Variants in LRP1B observed in about 807,000 individuals in gnomAD.
LRP1B encodes LDL receptor related protein 1B, also known as low-density lipoprotein receptor-related protein 1B.
LRP1B carries 217 observed loss-of-function variants against 556.6 expected under a neutral mutation model. The ratio of observed to expected loss-of-function variants is 0.39; its 90% CI spans 0.35 to 0.44. The LOEUF (loss-of-function observed/expected upper bound fraction) is 0.44. Ranked by LOEUF, LRP1B falls within the 20% of genes least tolerant of loss-of-function variation. LRP1B has a pLI of 1.00. For missense variants in LRP1B, 5,053 were observed against 5,620.8 expected (o/e 0.90, Z 3.23); for synonymous variants, 2,047 against 1,865.8 (o/e 1.10, Z -2.50).
At chr2:141,587,519 A>G (rs2105289358) in intron 2 of LRP1B, among the ~76,000 whole-genome samples, 1 of 152,306 alleles carries the variant, frequency 6.6e-6, no homozygotes, top group South Asian at 2.1e-4. Flanking sequence ...GGTGTACATT[A>G]TTTTCTCAAT....
At chr2:140,706,922 A>G (rs914296282) in intron 37 of LRP1B, among the ~76,000 whole-genome samples, 1 of 152,116 alleles carries the variant, frequency 6.6e-6, no homozygotes, top group African/African-American at 2.4e-5. Flanking sequence ...GAGACAGCTA[A>G]CATTAGTGAC....
At chr2:141,100,934 T>C (rs937294793) in intron 7 of LRP1B, among the ~76,000 whole-genome samples, 2 of 152,178 alleles carry the variant, frequency 1.3e-5, no homozygotes, top group South Asian at 2.1e-4. Flanking sequence ...AAAAATTTTT[T>C]CCAAGAGTAC....
rs866974579 is a variant in LRP1B, at chr2:141,019,915, T to A, written c.1970+7A>T. On this transcript the variant is annotated splice_region_variant and intron_variant, in intron 12 of 90. Transcript: ENST00000389484. The stretch of plus-strand genomic sequence containing the variant: ...TTCTTATATAAAGCTAGTCAAATAT[T>A]GCATACCCATTAACTGGATCCACCA... 2 of 1,559,456 alleles carry A rather than the reference T, an allele frequency of 1.3e-6. No homozygotes were observed. Among genetic ancestry groups the A allele is most frequent in the Middle Eastern group, 3.4e-4 (2 of 5,802 alleles).
chr2:140,736,571 CCACACATCTA>C (rs1687952963), intron 35 of LRP1B, among the ~76,000 whole-genome samples: 1 of 152,024 alleles, frequency 6.6e-6, no homozygotes, highest in African/African-American at 2.4e-5. Context: ...AGAAATAATA[CCACACATCTA>C]CAACCATCTG....
Position 140,569,204 on chromosome 2 carries a change from G to A in LRP1B, c.7195-27233C>T, listed in dbSNP as rs571214096. On this transcript the variant is annotated intron_variant, in intron 43 of 90. Coordinates refer to ENST00000389484, the MANE Select transcript of LRP1B (RefSeq NM_018557.3). Reference sequence around the variant, plus strand: ...TAAAACAATTTAAAAAACAACAGGAGTATATCCTATTAATAATAACCTCGA... The same window carrying A: ...TAAAACAATTTAAAAAACAACAGGAATATATCCTATTAATAATAACCTCGA... Among the ~76,000 whole-genome samples, 20 of 151,940 alleles carry A rather than the reference G, an allele frequency of 1.3e-4. No homozygotes were observed. The South Asian group carries it at 4.1e-3, about 32-fold the overall frequency.
intron 29 of LRP1B, 137 bp downstream of exon 29, chr2:140,849,965 T>A: frequency 1.6e-6 from 1 of 624,252 alleles, no homozygotes; most frequent in Non-Finnish European, 2.8e-6. Flanking sequence ...TGTAGCATAT[T>A]ATTAAATCTC....
At chr2:140,618,230 GA>G (rs1683326246) in intron 41 of LRP1B, among the ~76,000 whole-genome samples, 1 of 151,408 alleles carries the variant, frequency 6.6e-6, no homozygotes, top group African/African-American at 2.4e-5. Context: ...TTAAGACAGA[GA>G]AAAAATAAAA....
chr2:142,006,810 T>C (rs947354873), intron 1 of LRP1B, among the ~76,000 whole-genome samples: 1 of 152,008 alleles, frequency 6.6e-6, no homozygotes, highest in African/African-American at 2.4e-5. Flanking sequence ...CTTCCCACAG[T>C]GCTGATGTTT....
intron 7 of LRP1B, among the ~76,000 whole-genome samples, chr2:141,160,400 A>G (rs1476337373): frequency 6.6e-6 from 1 of 152,172 alleles, no homozygotes; most frequent in East Asian, 1.9e-4. Flanking sequence ...TCACACTCCT[A>G]GGTATTTATC....
At chr2:141,723,250 ATTGT>A (rs1692904699) in intron 2 of LRP1B, among the ~76,000 whole-genome samples, 1 of 137,500 alleles carries the variant, frequency 7.3e-6, no homozygotes, top group Admixed American at 7.4e-5. Context: ...GCTTTCTCAT[ATTGT>A]TTCTTTTGTT....
chr2:140,364,900 A>G (rs1244378904), intron 71 of LRP1B, 117 bp from the exon 72 acceptor site: 6 of 741,700 alleles, frequency 8.1e-6, no homozygotes, highest in Non-Finnish European at 1.3e-5. Flanking sequence ...CCATATATGT[A>G]TTATATTTAT....
intron 1 of LRP1B, among the ~76,000 whole-genome samples, chr2:141,912,025 T>C (rs1699918993): frequency 6.6e-6 from 1 of 152,192 alleles, no homozygotes; most frequent in Admixed American, 6.5e-5. Context: ...GAAATGTCTT[T>C]TCTTCTCTAT....
At chr2:140,721,315 G>C (rs542442452) in intron 35 of LRP1B, among the ~76,000 whole-genome samples, 1 of 151,936 alleles carries the variant, frequency 6.6e-6, no homozygotes, top group Admixed American at 6.6e-5. Flanking sequence ...CATGCTACTC[G>C]TGGCTTTTAT....
chr2:140,969,523 A>T (rs1168671965), intron 18 of LRP1B, among the ~76,000 whole-genome samples: 1 of 152,074 alleles, frequency 6.6e-6, no homozygotes, highest in East Asian at 1.9e-4. Flanking sequence ...GCCCATTTAC[A>T]TTTAAGGTTA....
chr2:140,537,828 A>C (rs1679980343), intron 45 of LRP1B, among the ~76,000 whole-genome samples: 1 of 152,158 alleles, frequency 6.6e-6, no homozygotes, highest in South Asian at 2.1e-4. Context: ...TTATAATGGC[A>C]ATATGTGATC....
intron 7 of LRP1B, among the ~76,000 whole-genome samples, chr2:141,125,816 T>A (rs1701187991): frequency 7.2e-6 from 1 of 138,438 alleles, no homozygotes; most frequent in Non-Finnish European, 1.5e-5. Flanking sequence ...TCCCATTTTT[T>A]AATCTTGTCT....
Position 142,001,046 on chromosome 2 carries a change from G to A in LRP1B, c.82+129602C>T, listed in dbSNP as rs537885852. On this transcript the variant is annotated intron_variant, in intron 1 of 90. Coordinates refer to ENST00000389484, the MANE Select transcript of LRP1B (RefSeq NM_018557.3). The stretch of plus-strand genomic sequence containing the variant: ...CATGAAATCTGATGGTTTTATAAAG[G>A]GTTTCCCCTTTTGCTTGGCTCTTGT... Among the ~76,000 whole-genome samples the A allele has an allele frequency of 1.7e-4, 26 of 152,210 alleles. No homozygotes were observed. The East Asian group carries it at 5.0e-3, about 29-fold the overall frequency.
intron 66 of LRP1B, among the ~76,000 whole-genome samples, chr2:140,429,499 C>A (rs948052089): frequency 6.6e-6 from 1 of 152,112 alleles, no homozygotes; most frequent in African/African-American, 2.4e-5. Context: ...GCTGTACTGC[C>A]ACAAGGCTTC....
intron 41 of LRP1B, among the ~76,000 whole-genome samples, chr2:140,694,699 A>C (rs1480656687): frequency 6.6e-6 from 1 of 152,072 alleles, no homozygotes; most frequent in African/African-American, 2.4e-5. Context: ...AAGACTATTA[A>C]ATCTATTAGT....
Sources: gnomAD v4.1 joint callset for allele counts (sites outside exome capture counted in the v4.1 genomes callset) on GRCh38, gnomAD v4.1.1 for gene constraint, MANE v1.5 for transcripts, NCBI Gene and HGNC (gene_info 2026-07-23, HGNC 2026-07-21) for gene names.